The following UBQLN4 variants were observed in gnomAD, a reference collection of about 807,000 sequenced individuals.
UBQLN4 encodes the protein ubiquilin-4.
A neutral mutation model predicts 60.4 loss-of-function variants in UBQLN4; 11 were observed. The ratio of observed to expected loss-of-function variants is 0.18; its 90% CI spans 0.11 to 0.30. UBQLN4 has a LOEUF of 0.30. Among genes scored for constraint, UBQLN4 ranks in the 10% least tolerant of loss-of-function variants. The pLI is 1.00. For missense variants in UBQLN4, 417 were observed against 795.5 expected, an observed-to-expected ratio of 0.52 and a Z score of 5.72; for synonymous variants, 258 against 313.1, an observed-to-expected ratio of 0.82 and a Z score of 1.86.
At chr1:156,049,964 G>T (rs1006462089) in intron 4 of UBQLN4, among the ~76,000 whole-genome samples, 7 of 152,100 alleles carry the variant, frequency 4.6e-5, no homozygotes, top group Non-Finnish European at 8.8e-5. Context: ...TCCTCCTTTG[G>T]GTCTCAGCTC....
chr1:156,048,420 C>G lies in UBQLN4; in HGVS notation c.900+81G>C. The G allele has an allele frequency of 6.7e-7, 1 of 1,484,848 alleles. No individual in the cohort carries two copies. The highest frequency in any genetic ancestry group is 9.1e-7 in the Non-Finnish European group (1 of 1,101,496). The allele number at this position is 1,484,848 out of a possible 1,614,324, so 92.0% of individuals were successfully genotyped here. ...AGGGGACTGGGGAAAGAAAGAAGAGCAGGCCCAGGTTTGCCTGGGGTGGGG... is the reference window on the plus strand; with the variant it reads ...AGGGGACTGGGGAAAGAAAGAAGAGGAGGCCCAGGTTTGCCTGGGGTGGGG... On this transcript the variant is annotated intron_variant, in intron 5 of 10. Transcript: ENST00000368309. This position sits in a 1 kb window ranked among gnomAD's most constrained non-coding sequence, Gnocchi z 4.9.
chr1:156,045,777 T>A (rs1272740470), intron 5 of UBQLN4, among the ~76,000 whole-genome samples: 1 of 152,232 alleles, frequency 6.6e-6, no homozygotes, highest in African/African-American at 2.4e-5. Context: ...GTCCATACTT[T>A]CCTCTACAGT....
At chr1:156,041,352 G>T in intron 10 of UBQLN4, 133 bp downstream of exon 10, 3 of 978,160 alleles carry the variant, frequency 3.1e-6, no homozygotes, top group Non-Finnish European at 4.3e-6. Flanking sequence ...TCAGTAACCT[G>T]CCCAAGGCTA....
chr1:156,043,000 C>T, intron 6 of UBQLN4, 87 bp from the exon 7 acceptor site: 1 of 1,498,148 alleles, frequency 6.7e-7, no homozygotes, highest in Non-Finnish European at 9.0e-7. Context: ...TTACTTCAGA[C>T]ACCGAATGAC....
downstream of UBQLN4, among the ~76,000 whole-genome samples, chr1:156,033,428 C>T (rs539726808): frequency 1.3e-5 from 2 of 152,170 alleles, no homozygotes; most frequent in South Asian, 4.2e-4. Flanking sequence ...CAATCCCTGC[C>T]CCACTTTATC....
chr1:156,047,486 G>A (rs1371193755), intron 5 of UBQLN4, among the ~76,000 whole-genome samples: 9 of 151,034 alleles, frequency 6.0e-5, no homozygotes, highest in Non-Finnish European at 7.4e-5. Flanking sequence ...CTCGTGATCC[G>A]CCCACCTCAG....
At chr1:156,031,419 A>T (rs1683295075), downstream of UBQLN4, among the ~76,000 whole-genome samples, 1 of 152,160 alleles carries the variant, frequency 6.6e-6, no homozygotes, top group Admixed American at 6.6e-5. Flanking sequence ...AGACCGCATA[A>T]GTAGAAAGCA....
rs1683769113 is a variant in UBQLN4 at position 156,048,293 on chromosome 1, A to G, written c.900+208T>C. Among the ~76,000 whole-genome samples, 1 of 152,200 alleles carries G rather than the reference A, an allele frequency of 6.6e-6. No individual in the cohort carries two copies. Among genetic ancestry groups the G allele is most frequent in the Non-Finnish European group, 1.5e-5 (1 of 68,036 alleles). ...CAAGTTCCTTGGATGCTATGCCTCAACCACTTCCACAAGGACCTCTGCTTA... is the reference window on the plus strand; with the variant it reads ...CAAGTTCCTTGGATGCTATGCCTCAGCCACTTCCACAAGGACCTCTGCTTA... On this transcript the variant is annotated intron_variant, in intron 5 of 10. Coordinates refer to ENST00000368309, the MANE Select transcript of UBQLN4 (RefSeq NM_020131.5). The surrounding 1 kb of genome is among the most constrained non-coding windows in gnomAD (Gnocchi z 4.9).
chr1:156,052,525 T>C (rs559563665), intron 1 of UBQLN4, among the ~76,000 whole-genome samples: 6 of 152,284 alleles, frequency 3.9e-5, no homozygotes, highest in African/African-American at 1.2e-4. Context: ...GGTTTCACCA[T>C]GTTGGCCAGG....
chr1:156,041,969 G>A lies in UBQLN4; in HGVS notation c.1369C>T (p.Leu457Phe), dbSNP rs780302307. ...FLQQMQNPES[L>F]SILTNPRAMQ... ...GCTCGGGGATTGGTAAGGATGGAGAGTGACTCTGGGTTCTGCATCTGGTGG... is the reference window on the plus strand; with the variant it reads ...GCTCGGGGATTGGTAAGGATGGAGAATGACTCTGGGTTCTGCATCTGGTGG... The change falls in exon 9 of 11, where the codon CTC becomes TTC. Residue 457 changes from leucine to phenylalanine, a missense_variant. By Grantham distance (22) the Leu-to-Phe change is conservative. Coordinates refer to ENST00000368309, the MANE Select transcript of UBQLN4 (RefSeq NM_020131.5). The A allele has an allele frequency of 1.1e-5, 17 of 1,614,042 alleles. No individual in the cohort carries two copies. The East Asian group carries it at 2.7e-4, about 25-fold the overall frequency.
In UBQLN4 at chr1:156,041,879, C is replaced by CT. The variant is rs1683576317; in HGVS notation, c.1458_1459insA (p.Val487SerfsTer89). 6.2e-7 allele frequency: 1 copy of CT among 1,610,632 alleles called. No homozygotes were observed. The highest frequency in any genetic ancestry group is 8.5e-7 in the Non-Finnish European group (1 of 1,178,986). ...CTGCCCCCCTACCCTCACCTGGGTA[C>CT]CAGCCCAGGGGCCTCGGTCTGCAAG... On this transcript the variant is annotated frameshift_variant, in exon 9 of 11. Coordinates refer to ENST00000368309, the MANE Select transcript of UBQLN4 (RefSeq NM_020131.5). LOFTEE classifies it high-confidence loss of function.
At chr1:156,049,095 A>G (rs551422226) in intron 4 of UBQLN4, among the ~76,000 whole-genome samples, 1 of 152,332 alleles carries the variant, frequency 6.6e-6, no homozygotes, top group East Asian at 1.9e-4. Context: ...TGTAATCTCC[A>G]CAATAACCAT....
At position 156,035,640 on chromosome 1, in the gene UBQLN4, C is replaced by G. The variant is rs10919; in HGVS notation, c.*1338G>C. Reference sequence around the variant, plus strand: ...TAGTTAAGAACTGAAAGGCCAGGGGCTCTGGAGGAAAAAAACCCTCTACTA... The same window carrying G: ...TAGTTAAGAACTGAAAGGCCAGGGGGTCTGGAGGAAAAAAACCCTCTACTA... On this transcript the variant is annotated 3_prime_UTR_variant, in exon 11 of 11. Transcript: ENST00000368309. 582,516 of 981,480 alleles carry G rather than the reference C, an allele frequency of 0.59. 176,889 individuals are homozygous for G. Among genetic ancestry groups the G allele is most frequent in the Non-Finnish European group, 0.62 (514,583 of 827,350 alleles). 60.8% of individuals were successfully genotyped at this position (981,480 alleles called of 1,614,324 possible).
rs750760423 is a variant in UBQLN4 at position 156,050,346 on chromosome 1, A to G, written c.686T>C (p.Met229Thr). Reference protein sequence around the residue: ...IMANPQMQQLMERNPEISHML... With the variant: ...IMANPQMQQLTERNPEISHML... ...GTGGCTGATCTCAGGGTTCCGCTCC[A>G]TCAACTGCTGCATCTGGGGGTTGGC... The change falls in exon 4 of 11, where the codon ATG becomes ACG. Residue 229 changes from methionine (M) to threonine (T), a missense_variant. Met to Thr is a moderately conservative substitution (Grantham distance 81, BLOSUM62 -1). Coordinates refer to ENST00000368309, the MANE Select transcript of UBQLN4 (RefSeq NM_020131.5). The surrounding 1 kb of genome is among the most constrained non-coding windows in gnomAD (Gnocchi z 4.6). 5.0e-6 allele frequency: 8 copies of G among 1,611,242 alleles called. No individual in the cohort carries two copies. The East Asian group carries it at 1.8e-4, about 36-fold the overall frequency.
chr1:156,037,834 T>C (rs1228301153), intron 10 of UBQLN4, among the ~76,000 whole-genome samples: 1 of 152,198 alleles, frequency 6.6e-6, no homozygotes, highest in Non-Finnish European at 1.5e-5. Flanking sequence ...CGTACAGCCA[T>C]ATGAAAGGCT....
At chr1:156,052,490 C>T (rs1215129129) in intron 1 of UBQLN4, among the ~76,000 whole-genome samples, 1 of 152,134 alleles carries the variant, frequency 6.6e-6, no homozygotes, top group East Asian at 1.9e-4. Context: ...CCATGCCTGG[C>T]TAATTGTATT....
chr1:156,031,936 A>G (rs576068206), downstream of UBQLN4, among the ~76,000 whole-genome samples: 9 of 133,392 alleles, frequency 6.7e-5, no homozygotes, highest in South Asian at 1.9e-3. Flanking sequence ...ATATATACTC[A>G]TGAAATCATC....
At chr1:156,031,564 A>G (rs1025039084), downstream of UBQLN4, among the ~76,000 whole-genome samples, 1 of 149,390 alleles carries the variant, frequency 6.7e-6, no homozygotes, top group African/African-American at 2.4e-5. Context: ...CGCACTTGGT[A>G]TAGGAACTTC....
chr1:156,033,907 C>T (rs1290690606), downstream of UBQLN4, among the ~76,000 whole-genome samples: 3 of 151,802 alleles, frequency 2.0e-5, no homozygotes, highest in Admixed American at 1.3e-4. Flanking sequence ...CTCAGCCTCT[C>T]AGCAACCTTT....
Sources: gnomAD v4.1 joint callset for allele counts (sites outside exome capture counted in the v4.1 genomes callset) on GRCh38, gnomAD v4.1.1 for gene constraint, Gnocchi (gnomAD v3.1) non-coding constraint, MANE v1.5 for transcripts, NCBI Gene and HGNC (gene_info 2026-07-23, HGNC 2026-07-21) for gene names.